Variants in METTL25 observed in about 807,000 individuals in gnomAD.
The protein encoded by METTL25 is probable methyltransferase-like protein 25.
A neutral mutation model predicts 71.6 loss-of-function variants in METTL25; 64 were observed. The ratio of observed to expected loss-of-function variants is 0.89; its 90% CI spans 0.73 to 1.10. The LOEUF (loss-of-function observed/expected upper bound fraction) is 1.10, where lower values mean the gene tolerates loss of function less well. Among genes scored for constraint, METTL25 ranks in the 50% least tolerant of loss-of-function variants. The pLI is 0.00. For missense variants in METTL25, 807 were observed against 707.0 expected (o/e 1.14, Z -1.60); for synonymous variants, 287 against 250.3 (o/e 1.15, Z -1.38).
chr12:82,446,773 C>T (rs1380963990), intron 8 of METTL25, among the ~76,000 whole-genome samples: 6 of 151,990 alleles, frequency 3.9e-5, no homozygotes, highest in East Asian at 1.9e-4. Flanking sequence ...TAAGCTACCA[C>T]ACCCGGCTAA....
chr12:82,451,910 AGT>A (rs1311563523), intron 8 of METTL25, among the ~76,000 whole-genome samples: 1 of 152,106 alleles, frequency 6.6e-6, no homozygotes, highest in Non-Finnish European at 1.5e-5. Flanking sequence ...TTAGGAACAC[AGT>A]GTGACATCTT....
intron 1 of METTL25, among the ~76,000 whole-genome samples, chr12:82,360,425 T>C (rs879684971): frequency 4.0e-5 from 6 of 151,888 alleles, no homozygotes; most frequent in Admixed American, 6.6e-5. Flanking sequence ...TAATGGAAGA[T>C]TCTCAAACCT....
At position 82,386,841 on chromosome 12, in the gene METTL25, C is replaced by G; in HGVS notation, c.298C>G (p.Gln100Glu). The G allele has an allele frequency of 6.2e-7, 1 of 1,613,224 alleles. No homozygotes were observed. Among genetic ancestry groups the G allele is most frequent in the Middle Eastern group, 1.7e-4 (1 of 6,052 alleles). Residue 100 changes from glutamine to glutamate, a missense_variant, in exon 2 of 12, where the codon CAG (glutamine) becomes GAG (glutamate). By Grantham distance (29) the Gln-to-Glu change is conservative. Coordinates refer to ENST00000248306, the MANE Select transcript of METTL25 (RefSeq NM_032230.3). ...TCCCAAAATATTTTGTGAAACTTCT[C>G]AGAAGTTGGTGAGTGTGGAAGCCTT... ...DFPKIFCETS[Q>E]KLVSVEAFAL...
At chr12:82,430,250 T>A (rs1889375061) in intron 5 of METTL25, among the ~76,000 whole-genome samples, 1 of 151,452 alleles carries the variant, frequency 6.6e-6, no homozygotes, top group Non-Finnish European at 1.5e-5. Context: ...CATCACCAAG[T>A]TGCATGTGTA....
intron 7 of METTL25, 45 bp downstream of exon 7, chr12:82,434,769 A>C (rs763711630): frequency 1.6e-5 from 24 of 1,548,216 alleles, no homozygotes; most frequent in Admixed American, 6.7e-5. Context: ...TTTTCTCTCA[A>C]GTACTCTTCA....
At chr12:82,406,859 C>A (rs1231243951) in intron 5 of METTL25, among the ~76,000 whole-genome samples, 1 of 151,996 alleles carries the variant, frequency 6.6e-6, no homozygotes, top group Non-Finnish European at 1.5e-5. Context: ...AGAGGTTAAT[C>A]AGACAAGGAA....
intron 9 of METTL25, chr12:82,459,817 A>C (rs939846933): frequency 1.3e-5 from 2 of 152,204 alleles, no homozygotes; most frequent in African/African-American, 4.8e-5. Context: ...TACATGCAAA[A>C]TGAAATCATA....
chr12:82,477,458 A>C, intron 11 of METTL25, 106 bp downstream of exon 11: 1 of 495,224 alleles, frequency 2.0e-6, no homozygotes, highest in Middle Eastern at 5.3e-4. Flanking sequence ...CTAGTAAGAA[A>C]ATTTTTCTCA....
intron 1 of METTL25, among the ~76,000 whole-genome samples, chr12:82,381,850 T>C (rs1206494610): frequency 1.3e-5 from 2 of 152,348 alleles, no homozygotes; most frequent in East Asian, 3.9e-4. Context: ...TATTGAGCAT[T>C]GTCTATCAGA....
intron 1 of METTL25, among the ~76,000 whole-genome samples, chr12:82,362,809 AG>A (rs1321737644): frequency 6.6e-6 from 1 of 152,254 alleles, no homozygotes; most frequent in Non-Finnish European, 1.5e-5. Flanking sequence ...GGACATTTCA[AG>A]GAACAGTAGC....
At chr12:82,361,606 T>A (rs1479660572) in intron 1 of METTL25, among the ~76,000 whole-genome samples, 1 of 152,130 alleles carries the variant, frequency 6.6e-6, no homozygotes, top group Admixed American at 6.5e-5. Flanking sequence ...AGAGCAGCGC[T>A]GGTGGGCCGG....
chr12:82,461,378 G>A (rs75262330), intron 9 of METTL25, among the ~76,000 whole-genome samples: 3,154 of 152,262 alleles, frequency 0.021, 46 homozygotes, highest in Non-Finnish European at 0.033. Flanking sequence ...ATGGCCTTAT[G>A]AAATAAGTGA....
In METTL25 at chr12:82,373,716, C is replaced by T. The variant is rs139095176; in HGVS notation, c.260-13087C>T. On this transcript the variant is annotated intron_variant, in intron 1 of 11. Coordinates refer to ENST00000248306, the MANE Select transcript of METTL25 (RefSeq NM_032230.3). The stretch of plus-strand genomic sequence containing the variant: ...GACCCTGGAGCTGATTGGCTTTTCT[C>T]TCTGTCAACCCTTGGCTCAGCCCAG... 9.9e-3 allele frequency among the ~76,000 whole-genome samples: 1,504 copies of T among 152,294 alleles called. 24 individuals are homozygous for T. Among genetic ancestry groups the T allele is most frequent in the African/African-American group, 0.034 (1,418 of 41,556 alleles).
chr12:82,470,468 T>C (rs1245209297), intron 9 of METTL25, among the ~76,000 whole-genome samples: 1 of 152,188 alleles, frequency 6.6e-6, no homozygotes, highest in Non-Finnish European at 1.5e-5. Flanking sequence ...TAAACACTTT[T>C]ATGCTGTTTC....
chr12:82,430,829 A>G, intron 5 of METTL25, 64 bp from the exon 6 acceptor site: 1 of 872,826 alleles, frequency 1.1e-6, no homozygotes, highest in Non-Finnish European at 1.8e-6. Context: ...TTGGTAGATT[A>G]TTTATTTTAA....
At chr12:82,426,413 A>G (rs1446483707) in intron 5 of METTL25, among the ~76,000 whole-genome samples, 4 of 152,058 alleles carry the variant, frequency 2.6e-5, no homozygotes, top group African/African-American at 9.7e-5. Context: ...CAGTTCCTGT[A>G]AACTGCAGTC....
At chr12:82,389,197 A>T (rs1458635495) in intron 2 of METTL25, among the ~76,000 whole-genome samples, 1 of 152,074 alleles carries the variant, frequency 6.6e-6, no homozygotes, top group Non-Finnish European at 1.5e-5. Context: ...AATGAGGGAA[A>T]TGTTCTGTGC....
intron 1 of METTL25, among the ~76,000 whole-genome samples, chr12:82,361,421 C>T (rs999056430): frequency 6.6e-6 from 1 of 152,228 alleles, no homozygotes; most frequent in Non-Finnish European, 1.5e-5. Flanking sequence ...GCCCGCACTC[C>T]TCAGCCCTTG....
At chr12:82,437,552 GA>G (rs985427401) in intron 7 of METTL25, among the ~76,000 whole-genome samples, 2 of 151,684 alleles carry the variant, frequency 1.3e-5, no homozygotes, top group African/African-American at 2.4e-5. Context: ...AAATAAGGGA[GA>G]GGGGCAGTAG....
Sources: allele counts gnomAD v4.1 joint callset (sites outside exome capture counted in the v4.1 genomes callset), GRCh38; gene constraint gnomAD v4.1.1; transcripts MANE v1.5; gene names NCBI Gene and HGNC (gene_info 2026-07-23, HGNC 2026-07-21).